SAMD5: variants seen among roughly 807,000 people sequenced by gnomAD.
SAMD5 encodes the protein sterile alpha motif domain containing 5, also known as sterile alpha motif domain-containing protein 5.
SAMD5 carries 13 observed loss-of-function variants against 11.3 expected under a neutral mutation model. The ratio of observed to expected loss-of-function variants is 1.15; its 90% confidence interval spans 0.75 to 1.83. SAMD5 has a LOEUF of 1.83. SAMD5 is among the 40% of genes most tolerant of loss of function. The pLI is 0.00. For missense variants in SAMD5, 255 were observed against 239.1 expected, an observed-to-expected ratio of 1.07 and a Z score of -0.44; for synonymous variants, 129 against 111.3, an observed-to-expected ratio of 1.16 and a Z score of -1.00.
At chr6:147,524,873 A>G (rs1583067808) in intron 1 of SAMD5, among the ~76,000 whole-genome samples, 1 of 152,294 alleles carries the variant, frequency 6.6e-6, no homozygotes, top group Non-Finnish European at 1.5e-5. Flanking sequence ...ATTTCCTTCA[A>G]TCCTCACAGC....
chr6:147,584,517 T>G (rs1277897074), intron 1 of SAMD5, among the ~76,000 whole-genome samples: 1 of 152,214 alleles, frequency 6.6e-6, no homozygotes, highest in African/African-American at 2.4e-5. Context: ...CCCAAAGGCC[T>G]GGACTAGCCA....
chr6:147,889,828 T>C, the SAMD5 span, among the ~76,000 whole-genome samples: 2 of 152,304 alleles, frequency 1.3e-5, no homozygotes, highest in South Asian at 4.1e-4. Context: ...CTCAGACATA[T>C]GCGTTGATCA....
At chr6:147,607,961 C>T (rs557630351) in intron 1 of SAMD5, among the ~76,000 whole-genome samples, 2 of 152,152 alleles carry the variant, frequency 1.3e-5, no homozygotes, top group East Asian at 3.9e-4. Context: ...ATAATCTGAT[C>T]CAAACCTGGG....
intron 1 of SAMD5, among the ~76,000 whole-genome samples, chr6:147,665,494 G>A (rs1790704669): frequency 6.6e-6 from 1 of 152,206 alleles, no homozygotes; most frequent in African/African-American, 2.4e-5. Flanking sequence ...AGAAGGGACA[G>A]GAGATGAGTG....
intron 1 of SAMD5, among the ~76,000 whole-genome samples, chr6:147,549,047 G>C (rs1341249601): frequency 6.6e-6 from 1 of 152,114 alleles, no homozygotes. Flanking sequence ...CAGTGATCCT[G>C]GAGTGAAGAA....
chr6:147,777,670 T>C, the SAMD5 span, among the ~76,000 whole-genome samples: 5 of 152,322 alleles, frequency 3.3e-5, no homozygotes, highest in Admixed American at 1.3e-4. Context: ...CTTTAAGTAA[T>C]AATTTCCCAT....
At chr6:147,726,589 T>C (rs544056398) in intron 1 of SAMD5, among the ~76,000 whole-genome samples, 8 of 152,340 alleles carry the variant, frequency 5.3e-5, no homozygotes, top group African/African-American at 1.9e-4. Context: ...TGTTTGACTT[T>C]AGTCATCTCC....
At chr6:147,676,265 G>A (rs1387535564) in intron 1 of SAMD5, 1 of 152,066 alleles carries the variant, frequency 6.6e-6, no homozygotes. Flanking sequence ...TCACCTCACA[G>A]AATTCACAGT....
chr6:147,836,194 G>T, the SAMD5 span, among the ~76,000 whole-genome samples: 1 of 152,134 alleles, frequency 6.6e-6, no homozygotes, highest in South Asian at 2.1e-4. Context: ...TAGCCACATA[G>T]ACTCATCAAT....
At chr6:147,678,219 G>A (rs1231761130) in intron 1 of SAMD5, among the ~76,000 whole-genome samples, 2 of 151,974 alleles carry the variant, frequency 1.3e-5, no homozygotes, top group African/African-American at 2.4e-5. Flanking sequence ...ACATAACATT[G>A]TTAGCATTTT....
intron 1 of SAMD5, among the ~76,000 whole-genome samples, chr6:147,608,989 G>A (rs1463075014): frequency 6.6e-6 from 1 of 151,948 alleles, no homozygotes; most frequent in Non-Finnish European, 1.5e-5. Context: ...AAATAAAATA[G>A]ACAGTGATCA....
chr6:147,787,977 T>A, the SAMD5 span, among the ~76,000 whole-genome samples: 1 of 152,194 alleles, frequency 6.6e-6, no homozygotes, highest in Non-Finnish European at 1.5e-5. Context: ...AAGGGTTGCA[T>A]AAGTATTCGG....
At chr6:147,799,324 T>C in the SAMD5 span, among the ~76,000 whole-genome samples, 4 of 152,028 alleles carry the variant, frequency 2.6e-5, no homozygotes, top group Non-Finnish European at 4.4e-5. Flanking sequence ...TCCTTCACTT[T>C]TGAAGCTTAG....
intron 1 of SAMD5, among the ~76,000 whole-genome samples, chr6:147,628,844 A>T (rs1363521031): frequency 1.3e-5 from 2 of 152,176 alleles, no homozygotes; most frequent in African/African-American, 4.8e-5. Flanking sequence ...TTGGGTTCAT[A>T]ATTGATTGAA....
the SAMD5 span, among the ~76,000 whole-genome samples, chr6:147,883,706 T>C: frequency 6.6e-6 from 1 of 152,210 alleles, no homozygotes; most frequent in Non-Finnish European, 1.5e-5. Flanking sequence ...CTAGTCACTG[T>C]TTATTGACAG....
chr6:147,571,226 T>A (rs192310656), downstream of SAMD5, among the ~76,000 whole-genome samples: 106 of 152,286 alleles, frequency 7.0e-4, no homozygotes, highest in African/African-American at 2.3e-3. Context: ...AGCCCTAAAA[T>A]GTACTTTTTA....
At chr6:147,665,308 G>A (rs1790702562) in intron 1 of SAMD5, among the ~76,000 whole-genome samples, 2 of 152,190 alleles carry the variant, frequency 1.3e-5, no homozygotes, top group Non-Finnish European at 2.9e-5. Context: ...TGTTTTGAAA[G>A]TGTTTTAATA....
intron 1 of SAMD5, among the ~76,000 whole-genome samples, chr6:147,540,201 A>G (rs1374371468): frequency 1.3e-5 from 2 of 152,210 alleles, no homozygotes; most frequent in African/African-American, 2.4e-5. Context: ...AATAAATGGC[A>G]AAGTTACATA....
the SAMD5 span, among the ~76,000 whole-genome samples, chr6:147,765,782 C>T: frequency 6.6e-6 from 1 of 152,106 alleles, no homozygotes; most frequent in Non-Finnish European, 1.5e-5. Context: ...ACTCATCCTC[C>T]CTGGAGGATA....
Sources: gnomAD v4.1 joint callset for allele counts (sites outside exome capture counted in the v4.1 genomes callset) on GRCh38, gnomAD v4.1.1 for gene constraint, MANE v1.5 for transcripts, NCBI Gene and HGNC (gene_info 2026-07-23, HGNC 2026-07-21) for gene names.